Variants in LHFPL3 observed in about 807,000 individuals in gnomAD.
LHFPL3 encodes LHFPL tetraspan subfamily member 3, also known as LHFPL tetraspan subfamily member 3 protein.
Under a neutral mutation model 19.3 loss-of-function variants are expected in LHFPL3, and 5 were observed. That is an observed-to-expected ratio of 0.26 (90% CI 0.14 to 0.54). The LOEUF is 0.54. Among genes scored for constraint, LHFPL3 ranks in the 20% least tolerant of loss-of-function variants. LHFPL3 has a pLI of 0.94. For missense variants in LHFPL3, 249 were observed against 307.4 expected (o/e 0.81, Z 1.42); for synonymous variants, 133 against 126.2 (o/e 1.05, Z -0.36).
chr7:104,764,514 G>C (rs1476241746), intron 2 of LHFPL3, among the ~76,000 whole-genome samples: 1 of 152,192 alleles, frequency 6.6e-6, no homozygotes, highest in Non-Finnish European at 1.5e-5. Flanking sequence ...CCATGGGAGA[G>C]AGTCTGATTG....
intron 1 of LHFPL3, among the ~76,000 whole-genome samples, chr7:104,410,553 G>A (rs1050906580): frequency 7.2e-5 from 11 of 152,194 alleles, no homozygotes; most frequent in Non-Finnish European, 1.6e-4. Context: ...ATAAATGTAG[G>A]TGTCTGTTAG....
At chr7:104,389,049 G>A (rs1352934412) in intron 1 of LHFPL3, among the ~76,000 whole-genome samples, 1 of 152,106 alleles carries the variant, frequency 6.6e-6, no homozygotes, top group East Asian at 1.9e-4. Flanking sequence ...AGAAATAGAA[G>A]GCATTGAGAT....
chr7:104,486,209 T>A (rs968100549), intron 1 of LHFPL3, among the ~76,000 whole-genome samples: 2 of 152,216 alleles, frequency 1.3e-5, no homozygotes, highest in African/African-American at 4.8e-5. Context: ...TTTAAATATA[T>A]TTACATAGAC....
intron 1 of LHFPL3, among the ~76,000 whole-genome samples, chr7:104,632,231 G>A (rs978243943): frequency 7.9e-5 from 12 of 152,090 alleles, no homozygotes; most frequent in South Asian, 2.1e-4. Flanking sequence ...CTCTAGAATC[G>A]CTTTGTATAT....
At chr7:104,808,890 CTTTTTTTTT>C (rs151212974) in intron 2 of LHFPL3, among the ~76,000 whole-genome samples, 2 of 77,228 alleles carry the variant, frequency 2.6e-5, no homozygotes, top group South Asian at 8.9e-4. Context: ...ATGATAGATC[CTTTTTTTTT>C]TTTTTTTTTT....
chr7:104,533,321 T>G (rs140837856), intron 1 of LHFPL3, among the ~76,000 whole-genome samples: 158 of 152,246 alleles, frequency 1.0e-3, no homozygotes, highest in African/African-American at 3.6e-3. Context: ...TTCATGAGGT[T>G]TTTTCCTTCA....
intron 1 of LHFPL3, among the ~76,000 whole-genome samples, chr7:104,600,123 A>G (rs1790935216): frequency 6.6e-6 from 1 of 152,188 alleles, no homozygotes; most frequent in African/African-American, 2.4e-5. Flanking sequence ...GTGTTAAACC[A>G]TTGGAACTAT....
At chr7:104,557,439 G>A (rs889079216) in intron 1 of LHFPL3, among the ~76,000 whole-genome samples, 2 of 152,120 alleles carry the variant, frequency 1.3e-5, no homozygotes, top group African/African-American at 4.8e-5. Flanking sequence ...ATCAGATCTT[G>A]TGGGACTCAT....
At chr7:104,586,646 T>TA (rs1790584706) in intron 1 of LHFPL3, among the ~76,000 whole-genome samples, 1 of 152,298 alleles carries the variant, frequency 6.6e-6, no homozygotes, top group African/African-American at 2.4e-5. Context: ...TAAAGACGTC[T>TA]AGTGGGTGAA....
intron 1 of LHFPL3, among the ~76,000 whole-genome samples, chr7:104,522,719 C>G (rs1160730733): frequency 1.3e-5 from 2 of 152,056 alleles, no homozygotes; most frequent in Non-Finnish European, 1.5e-5. Context: ...GTCCTGTGCT[C>G]CAGTTCATGT....
chr7:104,606,247 T>C (rs772783367), intron 1 of LHFPL3, among the ~76,000 whole-genome samples: 28 of 152,320 alleles, frequency 1.8e-4, no homozygotes, highest in Non-Finnish European at 1.5e-4. Context: ...CCTTTATTGA[T>C]TGGATCACTT....
intron 2 of LHFPL3, among the ~76,000 whole-genome samples, chr7:104,819,725 G>A (rs955120556): frequency 6.6e-5 from 10 of 152,126 alleles, no homozygotes; most frequent in Non-Finnish European, 1.2e-4. Context: ...GATTCCAGTC[G>A]CTTTATATTG....
At chr7:104,504,526 G>A (rs1187820589) in intron 1 of LHFPL3, among the ~76,000 whole-genome samples, 2 of 152,204 alleles carry the variant, frequency 1.3e-5, no homozygotes, top group African/African-American at 4.8e-5. Context: ...CAGCAGTGAT[G>A]TTAAAAGCAA....
intron 1 of LHFPL3, among the ~76,000 whole-genome samples, chr7:104,639,861 A>G (rs1390900116): frequency 6.6e-6 from 1 of 152,222 alleles, no homozygotes; most frequent in Non-Finnish European, 1.5e-5. Flanking sequence ...TTGGAAACAT[A>G]CTTGAATTTC....
At chr7:104,884,278 C>T (rs1792107713) in intron 2 of LHFPL3, among the ~76,000 whole-genome samples, 2 of 152,166 alleles carry the variant, frequency 1.3e-5, no homozygotes, top group Admixed American at 1.3e-4. Flanking sequence ...CTCTTTCCTT[C>T]CACTTCGTTC....
intron 1 of LHFPL3, among the ~76,000 whole-genome samples, chr7:104,375,963 C>T (rs977460442): frequency 1.3e-5 from 2 of 152,198 alleles, no homozygotes; most frequent in Non-Finnish European, 2.9e-5. Flanking sequence ...AATCCAGATG[C>T]CTGGGTTCTA....
intron 2 of LHFPL3, among the ~76,000 whole-genome samples, chr7:104,816,499 T>C (rs769546395): frequency 2.0e-5 from 3 of 152,260 alleles, no homozygotes; most frequent in Non-Finnish European, 4.4e-5. Context: ...TCTTGGATTC[T>C]AAATCCTCAC....
At chr7:104,674,828 T>C (rs1427822864) in intron 1 of LHFPL3, among the ~76,000 whole-genome samples, 1 of 151,688 alleles carries the variant, frequency 6.6e-6, no homozygotes, top group Non-Finnish European at 1.5e-5. Flanking sequence ...CAACAAAGAG[T>C]AAACATATCC....
intron 2 of LHFPL3, among the ~76,000 whole-genome samples, chr7:104,787,312 C>T (rs909004338): frequency 6.6e-6 from 1 of 152,192 alleles, no homozygotes; most frequent in African/African-American, 2.4e-5. Context: ...AATGTGGCCT[C>T]AAACAATAGA....
Sources: gnomAD v4.1 joint callset for allele counts (sites outside exome capture counted in the v4.1 genomes callset) on GRCh38, gnomAD v4.1.1 for gene constraint, MANE v1.5 for transcripts, NCBI Gene and HGNC (gene_info 2026-07-23, HGNC 2026-07-21) for gene names.